Variants in MAX observed in about 807,000 individuals in gnomAD.
The protein encoded by MAX is MYC associated transcriptional regulator X.
A neutral mutation model predicts 22.3 loss-of-function variants in MAX; 3 were observed. That is an observed-to-expected ratio of 0.13 (90% CI 0.06 to 0.35). The LOEUF (loss-of-function observed/expected upper bound fraction) is 0.35. Ranked by LOEUF, MAX falls within the 10% of genes least tolerant of loss-of-function variation. The pLI, the probability that MAX is intolerant of heterozygous loss-of-function variation, is 1.00. For synonymous variants in MAX, 72 were observed against 77.7 expected (o/e 0.93, Z 0.39); for missense variants, 119 against 209.4 (o/e 0.57, Z 2.66).
chr14:65,053,222 CT>C, intron 3 of MAX: 2 of 1,364,542 alleles, frequency 1.5e-6, no homozygotes, highest in Non-Finnish European at 1.9e-6. Flanking sequence ...CTTACTGACC[CT>C]TTGCCCTTCA....
rs540336300 is a variant in MAX at position 65,092,936 on chromosome 14, T to C, written c.171+772A>G. On this transcript the variant is annotated intron_variant, in intron 3 of 4. Transcript: ENST00000358664. ...CTTCCCAGCTTGCCAGTTATTCCAA[T>C]GAATTGCTACAGACAACTACACTCT... 2.6e-5 allele frequency among the ~76,000 whole-genome samples: 4 copies of C among 152,350 alleles called. No individual in the cohort carries two copies. The South Asian group carries it at 8.3e-4, about 32-fold the overall frequency.
chr14:65,013,337 TC>T (rs937823402), intron 3 of MAX, among the ~76,000 whole-genome samples: 11 of 151,634 alleles, frequency 7.3e-5, no homozygotes, highest in Admixed American at 5.3e-4. Flanking sequence ...TTTTTTTTTT[TC>T]TTCCTCCAAA....
rs2063080056 is a variant in MAX, at chr14:65,077,101, C to G, written c.296-438G>C. The G allele has an allele frequency of 1.5e-5, 9 of 588,120 alleles. No homozygotes were observed. In the South Asian group the frequency reaches 1.9e-4, roughly 12 times the overall value. The allele number at this position is 588,120 out of a possible 1,614,324, so 36.4% of individuals were successfully genotyped here. A position where few individuals can be genotyped will look rare whatever the true frequency, so the allele number is the denominator to read the frequency against. On this transcript the variant is annotated intron_variant, in intron 4 of 4. Transcript: ENST00000358664. This position sits in a 1 kb window ranked among gnomAD's most constrained non-coding sequence, Gnocchi z 6.3. The stretch of plus-strand genomic sequence containing the variant: ...GCCAAAGAACAGTTTTGGCTTAGCT[C>G]TCGTGTACAAGATCCACTTGGAATG...
At chr14:65,048,076 G>A (rs2062523510) in intron 3 of MAX, among the ~76,000 whole-genome samples, 1 of 147,702 alleles carries the variant, frequency 6.8e-6, no homozygotes. Context: ...TAGCCTCCTC[G>A]GTTCAATTGA....
At chr14:65,040,255 A>ATGTG (rs1394828665) in intron 3 of MAX, among the ~76,000 whole-genome samples, 3 of 118,420 alleles carry the variant, frequency 2.5e-5, no homozygotes, top group Non-Finnish European at 5.9e-5. Context: ...CACTATATAT[A>ATGTG]TATGTATATA....
chr14:65,099,665 G>T (rs992549621), intron 2 of MAX, among the ~76,000 whole-genome samples: 2 of 151,878 alleles, frequency 1.3e-5, no homozygotes, highest in African/African-American at 4.8e-5. Flanking sequence ...CTCTGATCAA[G>T]CCCTAGCACA....
In MAX at chr14:65,078,097, G is replaced by A. The variant is rs184998980; in HGVS notation, c.172-61C>T. The A allele has an allele frequency of 3.9e-3, 6,194 of 1,605,646 alleles. 26 individuals carry two copies. Among genetic ancestry groups the A allele is most frequent in the Non-Finnish European group, 4.5e-3 (5,304 of 1,173,058 alleles). ...TAAAAACCCAATCCAGGCAGTGAGGGAACCTGGCCTGCAGCAACTGCTTGG... is the reference window on the plus strand; with the variant it reads ...TAAAAACCCAATCCAGGCAGTGAGGAAACCTGGCCTGCAGCAACTGCTTGG... On this transcript the variant is annotated intron_variant, in intron 3 of 4. Transcript: ENST00000358664. The surrounding 1 kb of genome is among the most constrained non-coding windows in gnomAD (Gnocchi z 6.4).
At chr14:65,036,372 G>T (rs113844702) in intron 3 of MAX, among the ~76,000 whole-genome samples, 4 of 151,784 alleles carry the variant, frequency 2.6e-5, no homozygotes, top group African/African-American at 9.7e-5. Context: ...AAGTAGCCAG[G>T]ACTGCAGGTG....
rs1018640535 is a variant in MAX, at chr14:65,062,948, T to C, written c.171+30760A>G. Among the ~76,000 whole-genome samples, 1 of 152,248 alleles carries C rather than the reference T, an allele frequency of 6.6e-6. No individual in the cohort carries two copies. Among genetic ancestry groups the C allele is most frequent in the African/African-American group, 2.4e-5 (1 of 41,472 alleles). On this transcript the variant is annotated intron_variant, in intron 3 of 3. Transcript: ENST00000341653. The surrounding 1 kb of genome is among the most constrained non-coding windows in gnomAD (Gnocchi z 4.3). ...TCTGTCTCCGACAGACAGCAAGGAC[T>C]GGGCCTAGTAGCCCCAGAGCAGGCT...
At chr14:65,102,177 T>C in intron 1 of MAX, 127 bp downstream of exon 1, 2 of 1,524,894 alleles carry the variant, frequency 1.3e-6, no homozygotes, top group Non-Finnish European at 1.8e-6. Flanking sequence ...GAGGCACTCC[T>C]GGCCCCGAGG....
At chr14:65,061,425 T>C (rs1468768671) in intron 3 of MAX, 1 of 1,460,584 alleles carries the variant, frequency 6.8e-7, no homozygotes. Flanking sequence ...TCAGTGGAGC[T>C]GTGGTTCTCT....
intron 3 of MAX, among the ~76,000 whole-genome samples, chr14:65,008,882 C>T (rs888011662): frequency 6.6e-6 from 1 of 152,194 alleles, no homozygotes; most frequent in Admixed American, 6.5e-5. Context: ...CAGTGGAAAC[C>T]TGACTTCCCA....
Position 65,027,315 on chromosome 14 carries a change from C to A in MAX, c.172-21031G>T. On this transcript the variant is annotated intron_variant, in intron 3 of 3. Transcript: ENST00000341653. The surrounding 1 kb of genome is among the most constrained non-coding windows in gnomAD (Gnocchi z 5.7). Reference sequence around the variant, plus strand: ...AAGCCCTTTGGGGAGAGGTTATATTCAACAAGTGGGAGGAGAGGTTCCCCT... The same window carrying A: ...AAGCCCTTTGGGGAGAGGTTATATTAAACAAGTGGGAGGAGAGGTTCCCCT... 1 of 1,365,764 alleles carries A rather than the reference C, an allele frequency of 7.3e-7. No individual in the cohort carries two copies. Among genetic ancestry groups the A allele is most frequent in the South Asian group, 1.4e-5 (1 of 73,646 alleles). The allele number at this position is 1,365,764 out of a possible 1,614,324, so 84.6% of individuals were successfully genotyped here.
In MAX at chr14:65,075,894, T is replaced by C; in HGVS notation, c.*582A>G. 2 of 1,068,144 alleles carry C rather than the reference T, an allele frequency of 1.9e-6. No individual in the cohort carries two copies. The highest frequency in any genetic ancestry group is 1.1e-6 in the Non-Finnish European group (1 of 881,016). 66.2% of individuals were successfully genotyped at this position (1,068,144 alleles called of 1,614,324 possible). On this transcript the variant is annotated 3_prime_UTR_variant, in exon 5 of 5. Transcript: ENST00000358664. The surrounding 1 kb of genome is among the most constrained non-coding windows in gnomAD (Gnocchi z 4.1). ...CTGCGAATCTGTCCCCACTTCCTTT[T>C]TATACCACAAACTTCTCTAAGGATC...
chr14:65,066,818 C>T (rs1281309425), intron 3 of MAX, among the ~76,000 whole-genome samples: 1 of 148,854 alleles, frequency 6.7e-6, no homozygotes, highest in Non-Finnish European at 1.5e-5. Flanking sequence ...GCTGAGATTG[C>T]ACCCTTGCAC....
At chr14:65,021,618 C>G (rs1287860977) in intron 3 of MAX, among the ~76,000 whole-genome samples, 3 of 152,098 alleles carry the variant, frequency 2.0e-5, no homozygotes, top group Non-Finnish European at 4.4e-5. Context: ...GCCCCAGTGT[C>G]AACAGTTGAG....
rs371825210 is a variant in MAX at position 65,077,391 on chromosome 14, C to T, written c.295+522G>A. The T allele has an allele frequency of 1.7e-5, 28 of 1,613,886 alleles. No homozygotes were observed. Among genetic ancestry groups the T allele is most frequent in the Non-Finnish European group, 2.2e-5 (26 of 1,179,800 alleles). ...CATGAGGGAGGAAGAGAAGTGAATT[C>T]CCCAGGAACAAAGAACTTGATCAGC... On this transcript the variant is annotated intron_variant, in intron 4 of 4. Coordinates refer to ENST00000358664, the MANE Select transcript of MAX (RefSeq NM_002382.5). This position sits in a 1 kb window ranked among gnomAD's most constrained non-coding sequence, Gnocchi z 6.3.
chr14:65,008,891 C>T (rs1396104814), intron 3 of MAX, among the ~76,000 whole-genome samples: 1 of 152,148 alleles, frequency 6.6e-6, no homozygotes, highest in Non-Finnish European at 1.5e-5. Flanking sequence ...CCTGACTTCC[C>T]ATAGCCTTAA....
chr14:65,095,434 G>A (rs973068431), intron 2 of MAX, among the ~76,000 whole-genome samples: 1 of 152,178 alleles, frequency 6.6e-6, no homozygotes, highest in Non-Finnish European at 1.5e-5. Context: ...GGTAGAGGTA[G>A]GTACTCTGTA....
Sources: allele counts gnomAD v4.1 joint callset (sites outside exome capture counted in the v4.1 genomes callset), GRCh38; gene constraint gnomAD v4.1.1; non-coding constraint Gnocchi (gnomAD v3.1); transcripts MANE v1.5; gene names NCBI Gene and HGNC (gene_info 2026-07-23, HGNC 2026-07-21).